SIPA1L3: variants seen among roughly 807,000 people sequenced by gnomAD.
SIPA1L3 encodes the protein signal induced proliferation associated 1 like 3, also known as signal-induced proliferation-associated 1-like protein 3.
In SIPA1L3, 59 loss-of-function variants were observed where a neutral mutation model predicts 150.1. The observed-to-expected ratio is 0.39, with a 90% CI of 0.32 to 0.49. The LOEUF is 0.49. Among genes scored for constraint, SIPA1L3 ranks in the 20% least tolerant of loss-of-function variants. The pLI, the probability that SIPA1L3 is intolerant of heterozygous loss-of-function variation, is 0.86. For synonymous variants in SIPA1L3, 1,070 were observed against 1,077.6 expected, an observed-to-expected ratio of 0.99 and a Z score of 0.14; for missense variants, 2,211 against 2,489.5, an observed-to-expected ratio of 0.89 and a Z score of 2.38.
chr19:38,090,994 G>T (rs1177949008), intron 4 of SIPA1L3, among the ~76,000 whole-genome samples: 1 of 152,198 alleles, frequency 6.6e-6, no homozygotes, highest in Non-Finnish European at 1.5e-5. Flanking sequence ...GGCCAGATGA[G>T]CACCAGAGCA....
chr19:38,075,105 G>C (rs1193622165), intron 2 of SIPA1L3, among the ~76,000 whole-genome samples: 1 of 152,230 alleles, frequency 6.6e-6, no homozygotes, highest in Non-Finnish European at 1.5e-5. Context: ...TTGGAACTGC[G>C]TGGATCTATG....
chr19:37,982,134 G>A (rs555349672), intron 1 of SIPA1L3, among the ~76,000 whole-genome samples: 7 of 152,310 alleles, frequency 4.6e-5, no homozygotes, highest in Middle Eastern at 3.4e-3. Context: ...AAAGGTTCTC[G>A]AATTGTATCT....
chr19:38,068,362 G>A (rs1362935772), intron 2 of SIPA1L3, among the ~76,000 whole-genome samples: 1 of 152,190 alleles, frequency 6.6e-6, no homozygotes. Context: ...AATCTGCTGA[G>A]CTGTTGCTGA....
chr19:38,014,988 A>T (rs1968199495), intron 1 of SIPA1L3, among the ~76,000 whole-genome samples: 1 of 151,316 alleles, frequency 6.6e-6, no homozygotes, highest in Non-Finnish European at 1.5e-5. Context: ...ATTTTTAAAG[A>T]TTTTTGGTTG....
chr19:38,066,266 C>T (rs1599990751), intron 2 of SIPA1L3, among the ~76,000 whole-genome samples: 3 of 152,082 alleles, frequency 2.0e-5, no homozygotes, highest in Non-Finnish European at 4.4e-5. Context: ...GATCCTCTTG[C>T]CTCAGCCTCC....
At chr19:38,179,723 A>G (rs947210178) in intron 15 of SIPA1L3, among the ~76,000 whole-genome samples, 16 of 152,246 alleles carry the variant, frequency 1.1e-4, no homozygotes, top group African/African-American at 3.9e-4. Context: ...AAGAGAAGAA[A>G]TAAGAAAGCA....
intron 1 of SIPA1L3, among the ~76,000 whole-genome samples, chr19:37,963,145 T>C (rs2046874398): frequency 6.6e-6 from 1 of 152,086 alleles, no homozygotes; most frequent in Non-Finnish European, 1.5e-5. Flanking sequence ...AAAGTTCAGT[T>C]TCTTCCTTTT....
Position 38,119,509 on chromosome 19 carries a change from G to A in SIPA1L3, c.2495G>A (p.Cys832Tyr), listed in dbSNP as rs145880945. 1.2e-5 allele frequency: 19 copies of A among 1,614,148 alleles called. No homozygotes were observed. Among genetic ancestry groups the A allele is most frequent in the Non-Finnish European group, 1.5e-5 (18 of 1,180,022 alleles). The change falls in exon 9 of 22, where the codon TGT becomes TAT. Residue 832 changes from cysteine to tyrosine, a missense_variant. Cys to Tyr is a radical substitution (Grantham distance 194). This residue lies in a region of SIPA1L3 where 625 missense variants were observed against 804.2 expected (regional missense o/e 0.78). Transcript: ENST00000222345. ...TATCTCAAGGACCTGGCCGAAAACTGTGTCTCCAACACCCCCATCGACTCC... is the reference window on the plus strand; with the variant it reads ...TATCTCAAGGACCTGGCCGAAAACTATGTCTCCAACACCCCCATCGACTCC... ...QEYLKDLAEN[C>Y]VSNTPIDSTG... is the part of the protein sequence containing the mutation.
chr19:38,112,677 G>C (rs911899400), intron 8 of SIPA1L3, among the ~76,000 whole-genome samples: 2 of 152,048 alleles, frequency 1.3e-5, no homozygotes, highest in Admixed American at 1.3e-4. Flanking sequence ...GTTTGCTTCG[G>C]CTCTCCCTCT....
intron 15 of SIPA1L3, among the ~76,000 whole-genome samples, chr19:38,173,251 C>T (rs536488587): frequency 3.9e-4 from 60 of 152,354 alleles, no homozygotes; most frequent in Non-Finnish European, 6.3e-4. Context: ...CACGCCCAAG[C>T]GGGGAGCCCC....
At chr19:38,106,497 G>A (rs958935206) in intron 6 of SIPA1L3, 40 bp from the exon 7 acceptor site, 1 of 1,399,052 alleles carries the variant, frequency 7.1e-7, no homozygotes, top group Non-Finnish European at 1.0e-6. Flanking sequence ...AAAACCCAGA[G>A]GTTTTGGAAA....
At chr19:38,158,087 G>A (rs1006568135) in intron 13 of SIPA1L3, among the ~76,000 whole-genome samples, 1 of 152,098 alleles carries the variant, frequency 6.6e-6, no homozygotes, top group African/African-American at 2.4e-5. Flanking sequence ...CTAAAAATTA[G>A]CCAGGCATAG....
At chr19:37,954,076 G>A in intron 1 of SIPA1L3, among the ~76,000 whole-genome samples, 1 of 151,968 alleles carries the variant, frequency 6.6e-6, no homozygotes, top group South Asian at 2.1e-4. Flanking sequence ...TTTATGATGT[G>A]GTTAGATAAA....
intron 2 of SIPA1L3, among the ~76,000 whole-genome samples, chr19:38,044,550 TGAAGGGA>T (rs1239838632): frequency 3.9e-4 from 60 of 152,056 alleles, no homozygotes; most frequent in Non-Finnish European, 7.2e-4. Flanking sequence ...CACAAAAGGC[TGAAGGGA>T]GCAGGTTCAA....
intron 2 of SIPA1L3, among the ~76,000 whole-genome samples, chr19:38,069,951 C>A (rs1007165298): frequency 6.6e-6 from 1 of 151,706 alleles, no homozygotes; most frequent in Non-Finnish European, 1.5e-5. Context: ...GCTGGGATTA[C>A]AGGCACGAGC....
At chr19:38,065,736 A>T (rs1199432653) in intron 2 of SIPA1L3, among the ~76,000 whole-genome samples, 1 of 151,984 alleles carries the variant, frequency 6.6e-6, no homozygotes, top group Non-Finnish European at 1.5e-5. Flanking sequence ...ACTTCACACC[A>T]TGCTTGGCGT....
chr19:37,979,446 A>G (rs1446276430), intron 1 of SIPA1L3, among the ~76,000 whole-genome samples: 1 of 151,440 alleles, frequency 6.6e-6, no homozygotes, highest in Non-Finnish European at 1.5e-5. Context: ...AATCCCAGCT[A>G]CTCAGGAGGC....
intron 1 of SIPA1L3, among the ~76,000 whole-genome samples, chr19:38,012,663 C>T (rs1968132041): frequency 6.6e-6 from 1 of 151,478 alleles, no homozygotes; most frequent in Non-Finnish European, 1.5e-5. Context: ...CAAGTCCATT[C>T]CCCCCACCCC....
At chr19:37,968,034 G>C (rs1270730567) in intron 1 of SIPA1L3, among the ~76,000 whole-genome samples, 1 of 115,750 alleles carries the variant, frequency 8.6e-6, no homozygotes, top group Non-Finnish European at 1.7e-5. Flanking sequence ...GTAAATGTTA[G>C]TTTCATTAAT....
Sources: allele counts gnomAD v4.1 joint callset (sites outside exome capture counted in the v4.1 genomes callset), GRCh38; gene constraint gnomAD v4.1.1; regional missense constraint gnomAD v4.1.1; transcripts MANE v1.5; gene names NCBI Gene and HGNC (gene_info 2026-07-23, HGNC 2026-07-21).